MIEF1: variants seen among roughly 807,000 people sequenced by gnomAD.
MIEF1 encodes mitochondrial elongation factor 1.
A neutral mutation model predicts 35.1 loss-of-function variants in MIEF1; 14 were observed. The observed-to-expected ratio is 0.40, with a 90% confidence interval of 0.26 to 0.62. The LOEUF (loss-of-function observed/expected upper bound fraction) is 0.62. MIEF1 is among the 20% of genes least tolerant of loss of function. The pLI, the probability that MIEF1 is intolerant of heterozygous loss-of-function variation, is 0.43. For synonymous variants in MIEF1, 245 were observed against 254.3 expected (o/e 0.96, Z 0.35); for missense variants, 542 against 615.4 (o/e 0.88, Z 1.26).
intron 5 of MIEF1, among the ~76,000 whole-genome samples, chr22:39,513,056 T>C (rs539471227): frequency 5.1e-4 from 78 of 152,288 alleles, no homozygotes; most frequent in Admixed American, 1.6e-3. Context: ...ATCTCTCCTT[T>C]CTAGTTTTCT....
rs752046797 is a variant in MIEF1, at chr22:39,513,908, A to G, written c.977A>G (p.Lys326Arg). The G allele has an allele frequency of 2.5e-5, 41 of 1,613,940 alleles. No individual in the cohort carries two copies. Among genetic ancestry groups the G allele is most frequent in the Admixed American group, 3.3e-5 (2 of 59,998 alleles). The part of the protein sequence containing the change: ...VTLGDTVLVA[K>R]PHRLAQYDNL... ...CTCGGTGACACAGTCTTGGTGGCCA[A>G]ACCACACCGGCTAGCCCAGTATGAC... The change falls in exon 6 of 6, where the codon AAA (lysine) becomes AGA (arginine). Residue 326 changes from lysine to arginine, a missense_variant. By Grantham distance (26) the Lys-to-Arg change is conservative. Coordinates refer to ENST00000325301, the MANE Select transcript of MIEF1 (RefSeq NM_019008.6).
Position 39,514,473 on chromosome 22 carries a change from A to G in MIEF1, c.*150A>G, listed in dbSNP as rs541788315. 1.7e-5 allele frequency: 12 copies of G among 712,716 alleles called. No homozygotes were observed. In the Middle Eastern group the frequency reaches 2.4e-3, roughly 143 times the overall value. 44.1% of individuals were successfully genotyped at this position (712,716 alleles called of 1,614,324 possible). The stretch of plus-strand genomic sequence containing the variant: ...GTCACTTCATGCTGATTAGAATGAC[A>G]TCTCTTTCGTCTCCTATTTTGTTAC... On this transcript the variant is annotated 3_prime_UTR_variant, in exon 6 of 6. Coordinates refer to ENST00000325301, the MANE Select transcript of MIEF1 (RefSeq NM_019008.6).
chr22:39,518,088 C>G lies in MIEF1; in HGVS notation c.*3765C>G, dbSNP rs552371253. ...AAATAAAACTGCGGAATACAATGTC[C>G]TTCCATAGCATGGGAAGAAGAAAAT... On this transcript the variant is annotated 3_prime_UTR_variant, in exon 6 of 6. Transcript: ENST00000325301. 1 of 153,766 alleles carries G rather than the reference C, an allele frequency of 6.5e-6. No homozygotes were observed. Among genetic ancestry groups the G allele is most frequent in the Admixed American group, 6.5e-5 (1 of 15,402 alleles). 9.5% of individuals were successfully genotyped at this position (153,766 alleles called of 1,614,324 possible). A position where few individuals can be genotyped will look rare whatever the true frequency, so the allele number is the denominator to read the frequency against.
In MIEF1 at chr22:39,514,456, A is replaced by T. The variant is rs753834152; in HGVS notation, c.*133A>T. 5 of 802,428 alleles carry T rather than the reference A, an allele frequency of 6.2e-6. No individual in the cohort carries two copies. Among genetic ancestry groups the T allele is most frequent in the Non-Finnish European group, 9.9e-6 (5 of 507,044 alleles). 49.7% of individuals were successfully genotyped at this position (802,428 alleles called of 1,614,324 possible). The stretch of plus-strand genomic sequence containing the variant: ...TGCTGATCATCACCCTGGTCACTTC[A>T]TGCTGATTAGAATGACATCTCTTTC... On this transcript the variant is annotated 3_prime_UTR_variant, in exon 6 of 6. Coordinates refer to ENST00000325301, the MANE Select transcript of MIEF1 (RefSeq NM_019008.6).
At position 39,515,803 on chromosome 22, in the gene MIEF1, T is replaced by A. The variant is rs936341247; in HGVS notation, c.*1480T>A. ...AGTATTTTGTTTTCCTTCCGTCAAG[T>A]TGTCTTATTTTTTCAATGACTACCT... On this transcript the variant is annotated 3_prime_UTR_variant, in exon 6 of 6. Coordinates refer to ENST00000325301, the MANE Select transcript of MIEF1 (RefSeq NM_019008.6). 1.2e-5 allele frequency: 2 copies of A among 162,738 alleles called. No individual in the cohort carries two copies. Among genetic ancestry groups the A allele is most frequent in the Admixed American group, 1.2e-4 (2 of 16,652 alleles). 10.1% of individuals were successfully genotyped at this position (162,738 alleles called of 1,614,324 possible). A position where few individuals can be genotyped will look rare whatever the true frequency, so the allele number is the denominator to read the frequency against.
At chr22:39,508,037 T>C (rs993657996) in intron 2 of MIEF1, among the ~76,000 whole-genome samples, 41 of 152,192 alleles carry the variant, frequency 2.7e-4, no homozygotes, top group African/African-American at 9.4e-4. Context: ...CTTAAAAGAC[T>C]AGAGGAGAAC....
At position 39,515,427 on chromosome 22, in the gene MIEF1, G is replaced by A. The variant is rs1345707598; in HGVS notation, c.*1104G>A. ...AACAGCCAGCCCTTCATCCTCCAGC[G>A]TCTGCCATAGGAATGTGAGAGGGGT... On this transcript the variant is annotated 3_prime_UTR_variant, in exon 6 of 6. Transcript: ENST00000325301. The A allele has an allele frequency of 5.8e-6, 4 of 692,638 alleles. No individual in the cohort carries two copies. Among genetic ancestry groups the A allele is most frequent in the Middle Eastern group, 2.7e-4 (1 of 3,688 alleles). The allele number at this position is 692,638 out of a possible 1,614,324, so 42.9% of individuals were successfully genotyped here.
intron 1 of MIEF1, chr22:39,503,175 C>A (rs1929837789): frequency 6.6e-6 from 1 of 152,164 alleles, no homozygotes; most frequent in Non-Finnish European, 1.5e-5. Flanking sequence ...GTAACTCATT[C>A]CAGAGGCAGG....
chr22:39,501,377 C>A (rs754426352), upstream of MIEF1, among the ~76,000 whole-genome samples: 5 of 152,228 alleles, frequency 3.3e-5, no homozygotes, highest in Non-Finnish European at 5.9e-5. Context: ...GTAGATATTA[C>A]CTTTTAATCC....
rs1930634861 is a variant in MIEF1, at chr22:39,515,770, GC to G, written c.*1450del. ...CTGATGATAATTCTGTTTCTCATCT[GC>G]CCATTCAGTATTTTGTTTTCCTTCC... On this transcript the variant is annotated 3_prime_UTR_variant, in exon 6 of 6. Transcript: ENST00000325301. 1 of 175,138 alleles carries G rather than the reference GC, an allele frequency of 5.7e-6. No homozygotes were observed. Among genetic ancestry groups the G allele is most frequent in the Admixed American group, 5.9e-5 (1 of 17,050 alleles). The allele number at this position is 175,138 out of a possible 1,614,324, so 10.8% of individuals were successfully genotyped here. A position where few individuals can be genotyped will look rare whatever the true frequency, so the allele number is the denominator to read the frequency against.
At chr22:39,512,572 G>A (rs1930410097) in intron 5 of MIEF1, 78 bp downstream of exon 5, 2 of 1,514,626 alleles carry the variant, frequency 1.3e-6, no homozygotes, top group South Asian at 1.3e-5. Flanking sequence ...CAGTGTCCCA[G>A]GCTTGCCAGA....
Position 39,511,895 on chromosome 22 carries a change from G to A in MIEF1, c.191G>A (p.Ser64Asn), listed in dbSNP as rs1476648209. ...ISAPTSPTRL[S>N]HSGKRSWEEP... ...GCCCCTACCAGCCCCACCCGCCTGA[G>A]CCATTCGGGGAAAAGGAGCTGGGAA... Residue 64 changes from serine (S) to asparagine (N), a missense_variant, in exon 4 of 6, where the codon AGC becomes AAC. Transcript: ENST00000325301. 6.2e-7 allele frequency: 1 copy of A among 1,614,112 alleles called. No homozygotes were observed. The highest frequency in any genetic ancestry group is 2.2e-5 in the East Asian group (1 of 44,902).
chr22:39,514,728 G>C lies in MIEF1; in HGVS notation c.*405G>C. ...TTTTCCTCTCTCGTTCATGCCTTCT[G>C]TTTTGCTCTTGTCCCTGGAGCATAT... On this transcript the variant is annotated 3_prime_UTR_variant, in exon 6 of 6. Coordinates refer to ENST00000325301, the MANE Select transcript of MIEF1 (RefSeq NM_019008.6). 3.8e-6 allele frequency: 1 copy of C among 259,968 alleles called. No individual in the cohort carries two copies. 16.1% of individuals were successfully genotyped at this position (259,968 alleles called of 1,614,324 possible). A position where few individuals can be genotyped will look rare whatever the true frequency, so the allele number is the denominator to read the frequency against.
intron 3 of MIEF1, 104 bp downstream of exon 3, chr22:39,511,542 C>A: frequency 7.1e-7 from 1 of 1,415,690 alleles, no homozygotes; most frequent in Non-Finnish European, 9.3e-7. Context: ...AGGAAATGAT[C>A]GCAATGATAA....
In MIEF1 at chr22:39,515,013, A is replaced by T. The variant is rs1601754511; in HGVS notation, c.*690A>T. 1 of 550,874 alleles carries T rather than the reference A, an allele frequency of 1.8e-6. No individual in the cohort carries two copies. Among genetic ancestry groups the T allele is most frequent in the Non-Finnish European group, 3.2e-6 (1 of 311,606 alleles). 34.1% of individuals were successfully genotyped at this position (550,874 alleles called of 1,614,324 possible). A position where few individuals can be genotyped will look rare whatever the true frequency, so the allele number is the denominator to read the frequency against. ...GACCCACACAGGATAAGCTGAATGC[A>T]AAGTTATTTGCAGGTTGAATTTCTT... On this transcript the variant is annotated 3_prime_UTR_variant, in exon 6 of 6. Transcript: ENST00000325301.
chr22:39,505,855 A>G (rs143897335), intron 2 of MIEF1, among the ~76,000 whole-genome samples: 44 of 152,302 alleles, frequency 2.9e-4, no homozygotes, highest in African/African-American at 1.1e-3. Context: ...AGGCAGGAGG[A>G]GGAGAGAGAA....
In MIEF1 at chr22:39,517,606, T is replaced by C; in HGVS notation, c.*3283T>C. The stretch of plus-strand genomic sequence containing the variant: ...TGCGAGTGTCCAGAGCTCTCTGCCA[T>C]GATACTTCCTTGGGACTGACTTGGC... On this transcript the variant is annotated 3_prime_UTR_variant, in exon 6 of 6. Transcript: ENST00000325301. 2.1e-6 allele frequency: 1 copy of C among 471,194 alleles called. No homozygotes were observed. The highest frequency in any genetic ancestry group is 2.3e-5 in the Admixed American group (1 of 42,582). The allele number at this position is 471,194 out of a possible 1,614,324, so 29.2% of individuals were successfully genotyped here. A position where few individuals can be genotyped will look rare whatever the true frequency, so the allele number is the denominator to read the frequency against.
rs758822073 is a variant in MIEF1 at position 39,513,801 on chromosome 22, C to T, written c.870C>T (p.Ala290=). ...GSLLDYVIRP[A]PPPEALTLEV... The stretch of plus-strand genomic sequence containing the variant: ...TCTTGGACTATGTGATCCGCCCGGC[C>T]CCACCCCCAGAAGCCCTCACACTGG... The change falls in exon 6 of 6, where the codon GCC becomes GCT. Residue 290 remains alanine, a synonymous_variant. Transcript: ENST00000325301. 4 of 1,614,116 alleles carry T rather than the reference C, an allele frequency of 2.5e-6. No individual in the cohort carries two copies. The highest frequency in any genetic ancestry group is 3.4e-6 in the Non-Finnish European group (4 of 1,180,036).
intron 2 of MIEF1, among the ~76,000 whole-genome samples, chr22:39,505,691 A>G (rs564877908): frequency 2.6e-5 from 4 of 152,280 alleles, no homozygotes; most frequent in Admixed American, 2.6e-4. Context: ...TTTGTATCGT[A>G]GAGGGAGCAT....
Sources: gnomAD v4.1 joint callset for allele counts (sites outside exome capture counted in the v4.1 genomes callset) on GRCh38, gnomAD v4.1.1 for gene constraint, MANE v1.5 for transcripts, NCBI Gene and HGNC (gene_info 2026-07-23, HGNC 2026-07-21) for gene names.